Variants in BAZ2B observed in about 807,000 individuals in gnomAD.
BAZ2B encodes bromodomain adjacent to zinc finger domain protein 2B.
In BAZ2B, 91 loss-of-function variants were observed where a neutral mutation model predicts 246.0. The observed-to-expected ratio is 0.37, with a 90% CI of 0.31 to 0.44. BAZ2B has a LOEUF of 0.44. BAZ2B is among the 20% of genes least tolerant of loss of function. The pLI is 1.00. For missense variants in BAZ2B, 2,332 were observed against 2,533.7 expected (o/e 0.92, Z 1.71); for synonymous variants, 855 against 860.0 (o/e 0.99, Z 0.10).
intron 3 of BAZ2B, among the ~76,000 whole-genome samples, chr2:159,457,442 G>A (rs1035445385): frequency 6.6e-6 from 1 of 152,268 alleles, no homozygotes; most frequent in East Asian, 1.9e-4. Context: ...TAAAGCAGAA[G>A]AGGCCTATCC....
chr2:159,628,839 A>T, the BAZ2B span, among the ~76,000 whole-genome samples: 1 of 152,234 alleles, frequency 6.6e-6, no homozygotes, highest in African/African-American at 2.4e-5. Flanking sequence ...TAAACTAAGG[A>T]GCTTCTGCAC....
chr2:159,546,522 T>C (rs187349741), intron 2 of BAZ2B, among the ~76,000 whole-genome samples: 24 of 149,270 alleles, frequency 1.6e-4, no homozygotes, highest in African/African-American at 5.2e-4. Flanking sequence ...ATCATTTGTT[T>C]CTACTCAAAT....
intron 31 of BAZ2B, among the ~76,000 whole-genome samples, chr2:159,343,676 C>A (rs1309934603): frequency 6.8e-6 from 1 of 147,006 alleles, no homozygotes; most frequent in African/African-American, 2.5e-5. Context: ...CAGAGAAATG[C>A]AAATCAAAGC....
At chr2:159,520,141 C>T (rs1315375206) in intron 2 of BAZ2B, among the ~76,000 whole-genome samples, 1 of 152,148 alleles carries the variant, frequency 6.6e-6, no homozygotes, top group Non-Finnish European at 1.5e-5. Context: ...TGTCAAACGA[C>T]ATGCTACCAT....
At chr2:159,558,110 T>C (rs1270603698) in intron 1 of BAZ2B, among the ~76,000 whole-genome samples, 5 of 152,136 alleles carry the variant, frequency 3.3e-5, no homozygotes, top group Non-Finnish European at 7.4e-5. Flanking sequence ...AAGTGAAAGA[T>C]TACTTCAAAG....
the BAZ2B span, among the ~76,000 whole-genome samples, chr2:159,656,173 C>A: frequency 6.6e-6 from 1 of 152,082 alleles, no homozygotes; most frequent in East Asian, 1.9e-4. Flanking sequence ...TCTGATTATT[C>A]TTTTAAAAAT....
Position 159,446,966 on chromosome 2 carries a change from C to A in BAZ2B, c.512G>T (p.Gly171Val), listed in dbSNP as rs1355864287. 1.3e-6 allele frequency: 2 copies of A among 1,548,820 alleles called. No individual in the cohort carries two copies. Among genetic ancestry groups the A allele is most frequent in the Non-Finnish European group, 1.7e-6 (2 of 1,151,120 alleles). ...TGATGTATTACTTCCATTTATTGAC[C>A]CATTTACACCTTGAAAATAAAAATA... Reference protein sequence around the residue: ...NRNGPEKGVNGSINGSNTSSV... With the variant: ...NRNGPEKGVNVSINGSNTSSV... Residue 171 changes from glycine to valine, a missense_variant, in exon 6 of 37, where the codon GGG becomes GTG. By Grantham distance (109) the Gly-to-Val change is moderately radical (BLOSUM62 -3). Around this residue, in one of 9 missense-constraint regions of BAZ2B, gnomAD observed 242 missense variants for 237.4 expected, o/e 1.02. Coordinates refer to ENST00000392783, the MANE Select transcript of BAZ2B (RefSeq NM_013450.4).
the BAZ2B span, among the ~76,000 whole-genome samples, chr2:159,691,655 C>T: frequency 6.6e-6 from 1 of 152,312 alleles, no homozygotes; most frequent in Non-Finnish European, 1.5e-5. Context: ...CATGACTTCA[C>T]TGCTTCTTGG....
At chr2:159,355,046 G>C (rs1335774644) in intron 27 of BAZ2B, among the ~76,000 whole-genome samples, 1 of 152,210 alleles carries the variant, frequency 6.6e-6, no homozygotes, top group Non-Finnish European at 1.5e-5. Context: ...GATTCTGGGG[G>C]TCAATCATTC....
chr2:159,390,090 C>T (rs2063145342), intron 20 of BAZ2B, among the ~76,000 whole-genome samples: 1 of 152,024 alleles, frequency 6.6e-6, no homozygotes, highest in African/African-American at 2.4e-5. Flanking sequence ...ATACCATTAT[C>T]GTTACTTTTT....
rs1271055264 is a variant in BAZ2B at position 159,340,959 on chromosome 2, A to G, written c.5455-3187T>C. Among the ~76,000 whole-genome samples, 3 of 152,156 alleles carry G rather than the reference A, an allele frequency of 2.0e-5. No homozygotes were observed. In the South Asian group the frequency reaches 6.2e-4, roughly 32 times the overall value. On this transcript the variant is annotated intron_variant, in intron 31 of 36. Coordinates refer to ENST00000392783, the MANE Select transcript of BAZ2B (RefSeq NM_013450.4). ...TAAATAATAATCAAGGAAGTAAGGA[A>G]CAAAGGATTATACAAAACAAGAGAA...
At chr2:159,692,806 A>T in the BAZ2B span, among the ~76,000 whole-genome samples, 1 of 152,224 alleles carries the variant, frequency 6.6e-6, no homozygotes, top group African/African-American at 2.4e-5. Flanking sequence ...ATTTTATTTT[A>T]GAGACAGAGT....
At chr2:159,415,742 C>T (rs891066148) in intron 13 of BAZ2B, among the ~76,000 whole-genome samples, 4 of 152,112 alleles carry the variant, frequency 2.6e-5, no homozygotes, top group Non-Finnish European at 5.9e-5. Context: ...TTGAGTTTTA[C>T]GTTATAACAT....
intron 1 of BAZ2B, among the ~76,000 whole-genome samples, chr2:159,596,477 G>A (rs1242546783): frequency 1.3e-5 from 2 of 152,116 alleles, no homozygotes; most frequent in Non-Finnish European, 2.9e-5. Flanking sequence ...AGCTAACATA[G>A]AAAAGAAGCT....
At chr2:159,679,445 T>C in the BAZ2B span, among the ~76,000 whole-genome samples, 1 of 152,148 alleles carries the variant, frequency 6.6e-6, no homozygotes, top group Admixed American at 6.5e-5. Context: ...GCAGAGTTTG[T>C]TTATATATTC....
At chr2:159,364,535 C>A (rs767948990) in intron 27 of BAZ2B, among the ~76,000 whole-genome samples, 1 of 151,960 alleles carries the variant, frequency 6.6e-6, no homozygotes, top group Non-Finnish European at 1.5e-5. Context: ...TGGAAGTATA[C>A]CTGGCTAATT....
At chr2:159,572,789 A>G (rs879364324) in intron 1 of BAZ2B, among the ~76,000 whole-genome samples, 15 of 152,194 alleles carry the variant, frequency 9.9e-5, no homozygotes, top group Non-Finnish European at 2.1e-4. Flanking sequence ...ACTTAAGCCA[A>G]CATCCATTAC....
At chr2:159,549,322 A>G (rs2087808304) in intron 2 of BAZ2B, among the ~76,000 whole-genome samples, 3 of 152,168 alleles carry the variant, frequency 2.0e-5, no homozygotes, top group Admixed American at 6.5e-5. Flanking sequence ...TAAAACATTT[A>G]CATGTCTCTG....
In BAZ2B at chr2:159,480,579, C is replaced by T. The variant is rs963362832; in HGVS notation, c.-2-1858G>A. Among the ~76,000 whole-genome samples, 135 of 151,944 alleles carry T rather than the reference C, an allele frequency of 8.9e-4. 1 individual carries two copies. Among genetic ancestry groups the T allele is most frequent in the African/African-American group, 3.0e-3 (124 of 41,410 alleles). On this transcript the variant is annotated intron_variant, in intron 2 of 36. Transcript: ENST00000392783. ...ACGCACATGCACAAATATGTGTGCG[C>T]GTGCACACACACACACACACTCACA...
Sources: allele counts gnomAD v4.1 joint callset (sites outside exome capture counted in the v4.1 genomes callset), GRCh38; gene constraint gnomAD v4.1.1; regional missense constraint gnomAD v4.1.1; transcripts MANE v1.5; gene names NCBI Gene and HGNC (gene_info 2026-07-23, HGNC 2026-07-21).